Variants in PCDHGA9 observed in about 807,000 individuals in gnomAD.
PCDHGA9 encodes protocadherin gamma-A9.
Under a neutral mutation model 62.5 loss-of-function variants are expected in PCDHGA9, and 37 were observed. The ratio of observed to expected loss-of-function variants is 0.59; its 90% CI spans 0.46 to 0.78. The LOEUF (loss-of-function observed/expected upper bound fraction) is 0.78, where lower values mean the gene tolerates loss of function less well. PCDHGA9 is among the 30% of genes least tolerant of loss of function. The probability of loss-of-function intolerance (pLI) is 0.00; values close to 1 mark genes in which losing one functional copy is unlikely to be tolerated. For missense variants in PCDHGA9, 1,138 were observed against 1,166.2 expected, an observed-to-expected ratio of 0.98 and a Z score of 0.35; for synonymous variants, 459 against 484.6, an observed-to-expected ratio of 0.95 and a Z score of 0.69.
intron 1 of PCDHGA9, among the ~76,000 whole-genome samples, chr5:141,460,995 A>G (rs566978077): frequency 1.1e-4 from 17 of 150,188 alleles, no homozygotes; most frequent in South Asian, 2.1e-4. Flanking sequence ...ATATATATAT[A>G]TGTGTATATA....
chr5:141,418,254 A>T (rs1217236221), intron 1 of PCDHGA9: 2 of 1,613,904 alleles, frequency 1.2e-6, no homozygotes, highest in African/African-American at 2.7e-5. Flanking sequence ...CACGCCCCTC[A>T]ATTCCGGAAA....
Position 141,403,616 on chromosome 5 carries a change from C to G in PCDHGA9, c.664C>G (p.Arg222Gly), listed in dbSNP as rs2094434764. ...LTASDGGEPR[R>G]SSTVRIHVTV... ...GGCCTCGGATGGCGGCGAGCCGCGT[C>G]GCTCCAGCACAGTGCGCATCCATGT... is the stretch of plus-strand genomic sequence containing the variant. Residue 222 changes from arginine (R) to glycine (G), a missense_variant, in exon 1 of 4, where the codon CGC becomes GGC. Transcript: ENST00000573521. 6.8e-6 allele frequency: 11 copies of G among 1,613,892 alleles called. No individual in the cohort carries two copies. Among genetic ancestry groups the G allele is most frequent in the Non-Finnish European group, 9.3e-6 (11 of 1,179,898 alleles).
Position 141,477,856 on chromosome 5 carries a change from G to T in PCDHGA9, c.2425-16951G>T, listed in dbSNP as rs773703641. ...CAGGTGGGAGCTCGGTGGAGATGCTGCCTCGAGGTACCTCAGCTGGCCACC... is the reference window on the plus strand; with the variant it reads ...CAGGTGGGAGCTCGGTGGAGATGCTTCCTCGAGGTACCTCAGCTGGCCACC... On this transcript the variant is annotated intron_variant, in intron 1 of 3. Coordinates refer to ENST00000573521, the MANE Select transcript of PCDHGA9 (RefSeq NM_018921.3). This position sits in a 1 kb window ranked among gnomAD's most constrained non-coding sequence, Gnocchi z 4.9. 1 of 1,613,474 alleles carries T rather than the reference G, an allele frequency of 6.2e-7. No homozygotes were observed. Among genetic ancestry groups the T allele is most frequent in the Non-Finnish European group, 8.5e-7 (1 of 1,179,854 alleles).
chr5:141,415,311 C>T, intron 1 of PCDHGA9: 2 of 1,614,242 alleles, frequency 1.2e-6, no homozygotes, highest in Non-Finnish European at 1.7e-6. Context: ...TGGCCTTCGT[C>T]ATCGTGCTGC....
At chr5:141,452,251 ACT>A (rs899414988) in intron 1 of PCDHGA9, among the ~76,000 whole-genome samples, 29 of 152,204 alleles carry the variant, frequency 1.9e-4, no homozygotes, top group African/African-American at 6.7e-4. Flanking sequence ...TTTTGCCATA[ACT>A]CTCTCATTTT....
At chr5:141,444,329 G>A (rs536314842) in intron 1 of PCDHGA9, among the ~76,000 whole-genome samples, 17 of 151,674 alleles carry the variant, frequency 1.1e-4, no homozygotes, top group Admixed American at 1.1e-3. Flanking sequence ...GTGCCACCAC[G>A]CCCAGCTAAT....
rs373297942 is a variant in PCDHGA9, at chr5:141,431,494, C to T, written c.2424+26118C>T. On this transcript the variant is annotated intron_variant, in intron 1 of 3. Coordinates refer to ENST00000573521, the MANE Select transcript of PCDHGA9 (RefSeq NM_018921.3). This position sits in a 1 kb window ranked among gnomAD's most constrained non-coding sequence, Gnocchi z 4.8. ...ACAACGCACCAGCGTTTGCTCAGCC[C>T]GAGTACCGCGCGAGCGTTCCGGAGA... 107 of 1,613,838 alleles carry T rather than the reference C, an allele frequency of 6.6e-5. No homozygotes were observed. Among genetic ancestry groups the T allele is most frequent in the Middle Eastern group, 1.6e-4 (1 of 6,084 alleles).
intron 1 of PCDHGA9, chr5:141,433,070 C>T: frequency 6.2e-7 from 1 of 1,614,174 alleles, no homozygotes; most frequent in Non-Finnish European, 8.5e-7. Flanking sequence ...CCTGATCTTC[C>T]CCCAGCCCAA....
chr5:141,418,389 A>G (rs768078575), intron 1 of PCDHGA9: 1 of 1,613,996 alleles, frequency 6.2e-7, no homozygotes, highest in South Asian at 1.1e-5. Context: ...CCTAACGAGT[A>G]TTTCTCATTG....
chr5:141,508,171 A>G (rs1364776681), intron 3 of PCDHGA9: 2 of 152,406 alleles, frequency 1.3e-5, no homozygotes, highest in African/African-American at 4.8e-5. Context: ...AGGCTGGCAC[A>G]GGAGAGAAGG....
intron 1 of PCDHGA9, chr5:141,409,468 C>T (rs1256188577): frequency 1.9e-6 from 3 of 1,613,948 alleles, no homozygotes; most frequent in Admixed American, 1.7e-5. Flanking sequence ...ATGTCACCAT[C>T]GTAGCCACTG....
chr5:141,460,834 A>G (rs757757290), intron 1 of PCDHGA9, among the ~76,000 whole-genome samples: 11 of 151,874 alleles, frequency 7.2e-5, no homozygotes, highest in Non-Finnish European at 1.3e-4. Context: ...CACTTAAAGT[A>G]ATGGCCTCCA....
In PCDHGA9 at chr5:141,454,796, A is replaced by ATTTT. The variant is rs61612330; in HGVS notation, c.2425-39985_2425-39982dup. Among the ~76,000 whole-genome samples, 123 of 77,452 alleles carry ATTTT rather than the reference A, an allele frequency of 1.6e-3. 16 individuals are homozygous for ATTTT. The highest frequency in any genetic ancestry group is 7.2e-3 in the South Asian group (14 of 1,958). 50.8% of individuals were successfully genotyped at this position (77,452 alleles called of 152,430 possible). On this transcript the variant is annotated intron_variant, in intron 1 of 3. Coordinates refer to ENST00000573521, the MANE Select transcript of PCDHGA9 (RefSeq NM_018921.3). ...AAGGAAATAATCCTCCATGGTTCTAATTTTTTTTTTTTTTTTTTTTTTTTT... is the reference window on the plus strand; with the variant it reads ...AAGGAAATAATCCTCCATGGTTCTAATTTTTTTTTTTTTTTTTTTTTTTTTTTTT...
intron 2 of PCDHGA9, among the ~76,000 whole-genome samples, chr5:141,501,984 G>A (rs989251578): frequency 2.0e-5 from 3 of 152,042 alleles, no homozygotes; most frequent in African/African-American, 4.8e-5. Context: ...ATCTGGTCCC[G>A]TTGTCTCCCT....
intron 1 of PCDHGA9, chr5:141,423,735 G>A (rs2096770441): frequency 1.3e-6 from 1 of 777,372 alleles, no homozygotes; most frequent in African/African-American, 2.5e-5. Context: ...TTTTGAGCCT[G>A]TTATGAAAAC....
intron 1 of PCDHGA9, chr5:141,407,957 G>A: frequency 1.5e-6 from 1 of 660,494 alleles, no homozygotes; most frequent in Non-Finnish European, 2.4e-6. Flanking sequence ...GGCCAGTGCA[G>A]AGCAAGCGCT....
intron 1 of PCDHGA9, chr5:141,492,023 C>T: frequency 1.8e-6 from 1 of 564,804 alleles, no homozygotes; most frequent in Non-Finnish European, 3.0e-6. Context: ...TCGGGGGTCC[C>T]GGGAGGAGGC....
rs527630741 is a variant in PCDHGA9, at chr5:141,493,568, G to A, written c.2425-1239G>A. ...TTGGAGATTGAGTTCCCCCAGCTCC[G>A]TTTCCTCCTATCACAATCACTGCAT... is the stretch of plus-strand genomic sequence containing the variant. On this transcript the variant is annotated intron_variant, in intron 1 of 3. Coordinates refer to ENST00000573521, the MANE Select transcript of PCDHGA9 (RefSeq NM_018921.3). This position sits in a 1 kb window ranked among gnomAD's most constrained non-coding sequence, Gnocchi z 4.3. 3.9e-5 allele frequency among the ~76,000 whole-genome samples: 6 copies of A among 152,250 alleles called. No homozygotes were observed. Among genetic ancestry groups the A allele is most frequent in the African/African-American group, 9.6e-5 (4 of 41,550 alleles).
intron 1 of PCDHGA9, chr5:141,479,750 G>T: frequency 6.6e-6 from 1 of 152,310 alleles, no homozygotes. Context: ...CAATGTGAAA[G>T]GTAGATAAAT....
Sources: allele counts gnomAD v4.1 joint callset (sites outside exome capture counted in the v4.1 genomes callset), GRCh38; gene constraint gnomAD v4.1.1; non-coding constraint Gnocchi (gnomAD v3.1); transcripts MANE v1.5; gene names NCBI Gene and HGNC (gene_info 2026-07-23, HGNC 2026-07-21).